Variants in PLEKHM2 observed in about 807,000 individuals in gnomAD.
PLEKHM2 encodes pleckstrin homology domain-containing family M member 2.
Under a neutral mutation model 116.3 loss-of-function variants are expected in PLEKHM2, and 77 were observed. The ratio of observed to expected loss-of-function variants is 0.66; its 90% confidence interval spans 0.55 to 0.80. The LOEUF is 0.80. Ranked by LOEUF, PLEKHM2 falls within the 30% of genes least tolerant of loss-of-function variation. The pLI is 0.00. For missense variants in PLEKHM2, 1,183 were observed against 1,354.9 expected (o/e 0.87, Z 1.99); for synonymous variants, 562 against 571.0 (o/e 0.98, Z 0.22).
At chr1:15,703,867 A>C (rs184252700) in intron 1 of PLEKHM2, among the ~76,000 whole-genome samples, 1 of 152,270 alleles carries the variant, frequency 6.6e-6, no homozygotes, top group East Asian at 1.9e-4. Context: ...GTCTGGGATG[A>C]GCTGAGCTAG....
In PLEKHM2 at chr1:15,694,751, G is replaced by GT. The variant is rs1265066508; in HGVS notation, c.60+10137dup. On this transcript the variant is annotated intron_variant, in intron 1 of 19. Coordinates refer to ENST00000375799, the MANE Select transcript of PLEKHM2 (RefSeq NM_015164.4). ...TATTCTCCTCCATGCTGTGTATTTT[G>GT]TTTTGTTTTTTTTTTTTGTTTTTTG... is the stretch of plus-strand genomic sequence containing the variant. Among the ~76,000 whole-genome samples, 12 of 143,146 alleles carry GT rather than the reference G, an allele frequency of 8.4e-5. No homozygotes were observed. In the South Asian group the frequency reaches 1.1e-3, roughly 13 times the overall value. The allele number at this position is 143,146 out of a possible 152,430, so 93.9% of individuals were successfully genotyped here.
chr1:15,688,108 C>G (rs1447224979), intron 1 of PLEKHM2, among the ~76,000 whole-genome samples: 1 of 152,192 alleles, frequency 6.6e-6, no homozygotes, highest in Non-Finnish European at 1.5e-5. Context: ...TGACCATTAT[C>G]CCAGAGGGCC....
chr1:15,695,235 G>A (rs1640970713), intron 1 of PLEKHM2, among the ~76,000 whole-genome samples: 1 of 152,178 alleles, frequency 6.6e-6, no homozygotes, highest in Non-Finnish European at 1.5e-5. Flanking sequence ...CGAGTACAAG[G>A]AAGGAACTGA....
intron 1 of PLEKHM2, among the ~76,000 whole-genome samples, chr1:15,714,592 G>GAGAAGACAA (rs1641404141): frequency 6.6e-6 from 1 of 152,182 alleles, no homozygotes; most frequent in African/African-American, 2.4e-5. Flanking sequence ...GGCTTGTTCC[G>GAGAAGACAA]GGCTGCAGAG....
chr1:15,693,179 T>G (rs1360630709), intron 1 of PLEKHM2, among the ~76,000 whole-genome samples: 1 of 151,496 alleles, frequency 6.6e-6, no homozygotes, highest in Non-Finnish European at 1.5e-5. Flanking sequence ...TAGCTAGGAT[T>G]ACAGGTGCCC....
intron 1 of PLEKHM2, among the ~76,000 whole-genome samples, chr1:15,691,800 A>C (rs1055367479): frequency 6.6e-6 from 1 of 152,156 alleles, no homozygotes; most frequent in African/African-American, 2.4e-5. Context: ...AAGTACAAAA[A>C]AATTAGCTGG....
At chr1:15,720,605 ACC>A in intron 6 of PLEKHM2, 2 of 374,696 alleles carry the variant, frequency 5.3e-6, no homozygotes, top group Non-Finnish European at 3.7e-6. Flanking sequence ...CCTGTAGGAG[ACC>A]AGAGCCCTTC....
intron 1 of PLEKHM2, among the ~76,000 whole-genome samples, chr1:15,694,452 AGCTCTCCTCCTTGAGG>A (rs1158212564): frequency 6.6e-6 from 1 of 152,072 alleles, no homozygotes; most frequent in Non-Finnish European, 1.5e-5. Flanking sequence ...CTGGGCCCCG[AGCTCTCCTCCTTGAGG>A]GTCTAAACCA....
Position 15,723,882 on chromosome 1 carries a change from C to G in PLEKHM2, c.713-1435C>G, listed in dbSNP as rs148270925. ...GGGTGCATGTTTGCCTCTTTTCTTC[C>G]GGGCAGACAGCGGCCAGCAAGATGA... is the stretch of plus-strand genomic sequence containing the variant. On this transcript the variant is annotated intron_variant, in intron 7 of 19. Coordinates refer to ENST00000375799, the MANE Select transcript of PLEKHM2 (RefSeq NM_015164.4). Among the ~76,000 whole-genome samples, 58 of 152,324 alleles carry G rather than the reference C, an allele frequency of 3.8e-4. No homozygotes were observed. The East Asian group carries it at 0.01, about 27-fold the overall frequency.
At chr1:15,716,172 T>G (rs1571049993) in intron 1 of PLEKHM2, 65 bp from the exon 2 acceptor site, 1 of 1,032,648 alleles carries the variant, frequency 9.7e-7, no homozygotes, top group East Asian at 2.6e-5. Flanking sequence ...CCTTCTTGAT[T>G]CCAGAACTTT....
chr1:15,732,125 A>G (rs1397118436), intron 17 of PLEKHM2, 77 bp downstream of exon 17: 5 of 1,384,120 alleles, frequency 3.6e-6, no homozygotes, highest in Non-Finnish European at 5.0e-6. Flanking sequence ...CCCTAAACCC[A>G]TAGTCACAGA....
chr1:15,706,728 C>G (rs962200951), intron 1 of PLEKHM2, among the ~76,000 whole-genome samples: 5 of 152,082 alleles, frequency 3.3e-5, no homozygotes, highest in African/African-American at 9.7e-5. Context: ...TTTTTTCCCT[C>G]TGGGGGCTCC....
intron 1 of PLEKHM2, among the ~76,000 whole-genome samples, chr1:15,685,103 C>G (rs1640741420): frequency 6.6e-6 from 1 of 152,250 alleles, no homozygotes; most frequent in South Asian, 2.1e-4. Context: ...CCTGGGAAGT[C>G]CCCTGAATAA....
rs1310368194 is a variant in PLEKHM2, at chr1:15,732,517, G to T, written c.2793G>T (p.Glu931Asp). ...ISAVSTEPGK[E>D]YCVLEFSQDS... ...CCGTCTCCACCGAGCCGGGCAAGGA[G>T]TACTGCGTCTTGGTGAGCTTTGAGT... The change falls in exon 18 of 20, where the codon GAG becomes GAT. Residue 931 changes from glutamate to aspartate, a missense_variant. This residue lies in a region of PLEKHM2 where 594 missense variants were observed against 720.1 expected (regional missense o/e 0.82). Coordinates refer to ENST00000375799, the MANE Select transcript of PLEKHM2 (RefSeq NM_015164.4). 6.2e-7 allele frequency: 1 copy of T among 1,610,126 alleles called. No individual in the cohort carries two copies. Among genetic ancestry groups the T allele is most frequent in the South Asian group, 1.1e-5 (1 of 90,380 alleles).
In PLEKHM2 at chr1:15,719,620, C is replaced by T. The variant is rs1181693120; in HGVS notation, c.466-114C>T. 3 of 669,240 alleles carry T rather than the reference C, an allele frequency of 4.5e-6. No individual in the cohort carries two copies. Among genetic ancestry groups the T allele is most frequent in the Non-Finnish European group, 7.9e-6 (3 of 378,880 alleles). The allele number at this position is 669,240 out of a possible 1,614,324, so 41.5% of individuals were successfully genotyped here. On this transcript the variant is annotated intron_variant, in intron 5 of 19. Transcript: ENST00000375799. The surrounding 1 kb of genome is among the most constrained non-coding windows in gnomAD (Gnocchi z 4.1). ...TTTTCTTTGAATTTACTACCTTAAGCCATTGATTTCCCAAAGAGGCACATC... is the reference window on the plus strand; with the variant it reads ...TTTTCTTTGAATTTACTACCTTAAGTCATTGATTTCCCAAAGAGGCACATC...
At chr1:15,723,793 C>T (rs2068025668) in intron 7 of PLEKHM2, among the ~76,000 whole-genome samples, 2 of 150,294 alleles carry the variant, frequency 1.3e-5, no homozygotes, top group South Asian at 4.2e-4. Flanking sequence ...CATCAGCAGA[C>T]AGCTGCCCTG....
rs1430910740 is a variant in PLEKHM2 at position 15,728,804 on chromosome 1, T to C, written c.1986+71T>C. ...TTCTCAAGCCACTTACCCATAGAAC[T>C]GCAGGGCGAGGCACGGCCCCTTACT... On this transcript the variant is annotated intron_variant, in intron 12 of 19. Transcript: ENST00000375799. The surrounding 1 kb of genome is among the most constrained non-coding windows in gnomAD (Gnocchi z 5.9). The C allele has an allele frequency of 3.6e-6, 5 of 1,393,356 alleles. No homozygotes were observed. Among genetic ancestry groups the C allele is most frequent in the Non-Finnish European group, 4.0e-6 (4 of 1,000,806 alleles). 86.3% of individuals were successfully genotyped at this position (1,393,356 alleles called of 1,614,324 possible).
chr1:15,687,633 C>T (rs72878889), intron 1 of PLEKHM2, among the ~76,000 whole-genome samples: 20,842 of 152,190 alleles, frequency 0.14, 2,417 homozygotes, highest in African/African-American at 0.32. Flanking sequence ...TAGCCACTTC[C>T]TTTGTGTGTT....
At chr1:15,714,934 T>C (rs988923898) in intron 1 of PLEKHM2, among the ~76,000 whole-genome samples, 20 of 152,220 alleles carry the variant, frequency 1.3e-4, no homozygotes, top group Admixed American at 1.0e-3. Context: ...CTCAGTCCAA[T>C]ATCTGGGCTT....
Sources: allele counts gnomAD v4.1 joint callset (sites outside exome capture counted in the v4.1 genomes callset), GRCh38; gene constraint gnomAD v4.1.1; regional missense constraint gnomAD v4.1.1; non-coding constraint Gnocchi (gnomAD v3.1); transcripts MANE v1.5; gene names NCBI Gene and HGNC (gene_info 2026-07-23, HGNC 2026-07-21).